Variants in USP7 observed in about 807,000 individuals in gnomAD.
USP7 encodes the protein ubiquitin specific peptidase 7, also known as ubiquitin C-terminal hydrolase 7.
A neutral mutation model predicts 162.9 loss-of-function variants in USP7; 9 were observed. The observed-to-expected ratio is 0.06, with a 90% CI of 0.03 to 0.10. USP7 has a LOEUF of 0.10. Among genes scored for constraint, USP7 ranks in the 10% least tolerant of loss-of-function variants. The pLI is 1.00. For missense variants in USP7, 715 were observed against 1,373.7 expected (o/e 0.52, Z 7.58); for synonymous variants, 562 against 475.9 (o/e 1.18, Z -2.35).
At chr16:8,939,778 T>A (rs575908745) in intron 1 of USP7, among the ~76,000 whole-genome samples, 1 of 152,338 alleles carries the variant, frequency 6.6e-6, no homozygotes, top group Non-Finnish European at 1.5e-5. Flanking sequence ...CAAAACATTG[T>A]CATGATTTAT....
intron 1 of USP7, among the ~76,000 whole-genome samples, chr16:8,960,267 T>C (rs535088380): frequency 6.6e-6 from 1 of 152,274 alleles, no homozygotes; most frequent in South Asian, 2.1e-4. Flanking sequence ...GAGTGTGTGG[T>C]TGCAACCCCA....
intron 1 of USP7, among the ~76,000 whole-genome samples, chr16:8,932,498 G>A (rs903709369): frequency 6.6e-6 from 1 of 152,102 alleles, no homozygotes; most frequent in African/African-American, 2.4e-5. Flanking sequence ...ACTGTGGAAG[G>A]GGGTTAAGGA....
At chr16:8,959,937 C>A (rs991579493) in intron 1 of USP7, among the ~76,000 whole-genome samples, 2 of 152,270 alleles carry the variant, frequency 1.3e-5, no homozygotes, top group Non-Finnish European at 2.9e-5. Flanking sequence ...GTCTCAGAGC[C>A]GACACTGAAA....
rs778438208 is a variant in USP7, at chr16:8,923,454, T to TG, written c.185-42dup. Reference sequence around the variant, plus strand: ...ATCATCAGTCACAGAGCCTGTGCATTGACCAAAAGCACTAGCATTAATCGA... The same window carrying TG: ...ATCATCAGTCACAGAGCCTGTGCATTGGACCAAAAGCACTAGCATTAATCGA... On this transcript the variant is annotated intron_variant, in intron 2 of 30. Coordinates refer to ENST00000344836, the MANE Select transcript of USP7 (RefSeq NM_003470.3). 6.2e-6 allele frequency: 10 copies of TG among 1,603,540 alleles called. 1 individual carries two copies. The South Asian group carries it at 1.1e-4, about 18-fold the overall frequency.
intron 28 of USP7, 46 bp downstream of exon 28, chr16:8,894,985 G>A (rs752406278): frequency 1.2e-6 from 2 of 1,613,752 alleles, no homozygotes; most frequent in Non-Finnish European, 1.7e-6. Context: ...CCACTCAAAG[G>A]CTCCAGGTTT....
intron 25 of USP7, 109 bp from the exon 26 acceptor site, chr16:8,897,208 G>A: frequency 2.4e-6 from 2 of 834,956 alleles, no homozygotes; most frequent in Non-Finnish European, 3.9e-6. Flanking sequence ...GTCCCCAGCT[G>A]GCCCCCATGT....
At chr16:8,958,563 A>AG (rs1490417088) in intron 1 of USP7, among the ~76,000 whole-genome samples, 2 of 152,224 alleles carry the variant, frequency 1.3e-5, no homozygotes, top group Non-Finnish European at 2.9e-5. Context: ...GCCTGCTTTC[A>AG]GGGGATGTCT....
chr16:8,947,981 T>C (rs1899364098), intron 1 of USP7, among the ~76,000 whole-genome samples: 1 of 152,158 alleles, frequency 6.6e-6, no homozygotes, highest in African/African-American at 2.4e-5. Flanking sequence ...CCCTGGAAGC[T>C]TGGACATGGT....
At position 8,901,234 on chromosome 16, in the gene USP7, T is replaced by C. The variant is rs1386731940; in HGVS notation, c.2048A>G (p.His683Arg). The C allele has an allele frequency of 1.9e-6, 3 of 1,607,756 alleles. No individual in the cohort carries two copies. The highest frequency in any genetic ancestry group is 2.6e-6 in the Non-Finnish European group (3 of 1,174,854). Residue 683 changes from histidine (H) to arginine (R), a missense_variant and splice_region_variant, in exon 19 of 31, where the codon CAT becomes CGT. Physicochemically the swap from His to Arg is conservative, Grantham distance 29. This residue lies in a region of USP7 where 197 missense variants were observed against 306.5 expected (regional missense o/e 0.64). Transcript: ENST00000344836. ...GATLPKFDKDHDVMLFLKMYD... is the reference protein window; with the variant it reads ...GATLPKFDKDRDVMLFLKMYD... ...CATCTTCAAAAATAACATTACATCA[T>C]CTACAAGGTTAATAAACAAGTTTTG...
chr16:8,914,177 T>C (rs1281691521), intron 10 of USP7, among the ~76,000 whole-genome samples: 1 of 152,060 alleles, frequency 6.6e-6, no homozygotes, highest in Non-Finnish European at 1.5e-5. Flanking sequence ...AATAAGCATT[T>C]GAAAAGGTAA....
intron 1 of USP7, among the ~76,000 whole-genome samples, chr16:8,945,128 C>T (rs545165438): frequency 3.3e-5 from 5 of 152,064 alleles, no homozygotes; most frequent in East Asian, 3.9e-4. Context: ...TGGTGGCGGG[C>T]GCCTGTAATC....
At chr16:8,963,113 A>T in intron 1 of USP7, 94 bp downstream of exon 1, 1 of 1,157,082 alleles carries the variant, frequency 8.6e-7, no homozygotes, top group South Asian at 2.1e-5. Context: ...GGGCCTGGTT[A>T]AAGATGGCGA....
Position 8,916,490 on chromosome 16 carries a change from C to T in USP7, c.906+12G>A. ...CATTGTAAGAAATATACAAGTATTG[C>T]TTGAAACTTACCACTCGACAAAGCT... On this transcript the variant is annotated intron_variant, in intron 8 of 30. Transcript: ENST00000344836. 1 of 1,607,166 alleles carries T rather than the reference C, an allele frequency of 6.2e-7. No homozygotes were observed. The highest frequency in any genetic ancestry group is 1.3e-5 in the African/African-American group (1 of 74,632).
chr16:8,905,536 G>T (rs1472847955), intron 13 of USP7, among the ~76,000 whole-genome samples: 2 of 152,170 alleles, frequency 1.3e-5, no homozygotes, highest in Non-Finnish European at 2.9e-5. Flanking sequence ...AATTCACCAG[G>T]ACCTTCGCAG....
At chr16:8,897,158 C>T in intron 25 of USP7, 59 bp from the exon 26 acceptor site, 2 of 1,329,644 alleles carry the variant, frequency 1.5e-6, no homozygotes, top group Non-Finnish European at 2.2e-6. Context: ...TCTGCTACCA[C>T]AAAGGAAGAG....
At chr16:8,924,000 G>A (rs1426706634) in intron 2 of USP7, among the ~76,000 whole-genome samples, 1 of 151,796 alleles carries the variant, frequency 6.6e-6, no homozygotes. Context: ...CACCCTAGGG[G>A]GAATAATTTT....
rs543927391 is a variant in USP7 at position 8,895,787 on chromosome 16, T to G, written c.2820-46A>C. ...AATAGGGCAAAATGAAGTATATATA[T>G]TCACATAAAAATAAAATGGTTTTCT... On this transcript the variant is annotated intron_variant, in intron 26 of 30. Coordinates refer to ENST00000344836, the MANE Select transcript of USP7 (RefSeq NM_003470.3). The G allele has an allele frequency of 2.8e-5, 36 of 1,271,958 alleles. No individual in the cohort carries two copies. The South Asian group carries it at 4.5e-4, about 16-fold the overall frequency. The allele number at this position is 1,271,958 out of a possible 1,614,324, so 78.8% of individuals were successfully genotyped here. A position where few individuals can be genotyped will look rare whatever the true frequency, so the allele number is the denominator to read the frequency against.
At chr16:8,897,389 C>T (rs1396887982) in intron 25 of USP7, 2 of 362,282 alleles carry the variant, frequency 5.5e-6, no homozygotes, top group Non-Finnish European at 1.0e-5. Flanking sequence ...CCCGAGGGGT[C>T]ACCCAGGGCC....
intron 1 of USP7, among the ~76,000 whole-genome samples, chr16:8,957,801 A>G (rs1012746720): frequency 2.0e-5 from 3 of 152,026 alleles, no homozygotes; most frequent in South Asian, 2.1e-4. Context: ...CACAAAAACG[A>G]TAACAAAAAT....
Sources: gnomAD v4.1 joint callset for allele counts (sites outside exome capture counted in the v4.1 genomes callset) on GRCh38, gnomAD v4.1.1 for gene constraint, gnomAD v4.1.1 regional missense constraint, MANE v1.5 for transcripts, NCBI Gene and HGNC (gene_info 2026-07-23, HGNC 2026-07-21) for gene names.